The following OPHN1 variants were observed in gnomAD, a reference collection of about 807,000 sequenced individuals.
The protein encoded by OPHN1 is oligophrenin-1.
OPHN1 carries 11 observed loss-of-function variants against 60.7 expected under a neutral mutation model. The ratio of observed to expected loss-of-function variants is 0.18; its 90% CI spans 0.11 to 0.30. The LOEUF (loss-of-function observed/expected upper bound fraction) is 0.30. Ranked by LOEUF, OPHN1 falls within the 10% of genes least tolerant of loss-of-function variation. The probability of loss-of-function intolerance (pLI) is 1.00; values close to 1 mark genes in which losing one functional copy is unlikely to be tolerated. For missense variants in OPHN1, 449 were observed against 611.0 expected (o/e 0.73, Z 2.80); for synonymous variants, 226 against 222.6 (o/e 1.02, Z -0.14).
intron 19 of OPHN1, among the ~76,000 whole-genome samples, chrX:68,080,249 A>G (rs188883033): frequency 1.8e-5 from 2 of 111,871 alleles, no homozygotes; most frequent in East Asian, 5.6e-4. Flanking sequence ...TTCACCCTCC[A>G]CTATAGCCAT....
At chrX:68,347,862 C>T (rs1602344087) in intron 2 of OPHN1, among the ~76,000 whole-genome samples, 1 of 111,033 alleles carries the variant, frequency 9.0e-6, no homozygotes, top group Non-Finnish European at 1.9e-5. Context: ...TTTTGCAAAG[C>T]ACTTTGGTAA....
intron 15 of OPHN1, among the ~76,000 whole-genome samples, chrX:68,134,580 G>A (rs2077211405): frequency 9.0e-6 from 1 of 111,072 alleles, no homozygotes; most frequent in South Asian, 3.9e-4. Flanking sequence ...AGAGCTCCCT[G>A]GACACTGAAC....
At position 68,329,581 on chromosome X, in the gene OPHN1, T is replaced by G. The variant is rs149990618; in HGVS notation, c.155-30485A>C. ...AGAAAAGGTTATTACAAAGCCACCTTCTATCTTTTCTATAACTATGCAAAT... is the reference window on the plus strand; with the variant it reads ...AGAAAAGGTTATTACAAAGCCACCTGCTATCTTTTCTATAACTATGCAAAT... On this transcript the variant is annotated intron_variant, in intron 2 of 24. Coordinates refer to ENST00000355520, the MANE Select transcript of OPHN1 (RefSeq NM_002547.3). Among the ~76,000 whole-genome samples the G allele has an allele frequency of 3.2e-3, 356 of 112,228 alleles. 2 individuals are homozygous for G. Among genetic ancestry groups the G allele is most frequent in the African/African-American group, 0.011 (343 of 31,009 alleles).
At chrX:68,360,764 C>T (rs1342654436) in intron 2 of OPHN1, among the ~76,000 whole-genome samples, 1 of 110,840 alleles carries the variant, frequency 9.0e-6, no homozygotes, top group Non-Finnish European at 1.9e-5. Context: ...GCCTGGGTGA[C>T]AGAGCAAGAC....
Position 68,374,312 on chromosome X carries a change from C to T in OPHN1, c.154+58555G>A, listed in dbSNP as rs183461648. Among the ~76,000 whole-genome samples, 409 of 105,327 alleles carry T rather than the reference C, an allele frequency of 3.9e-3. 2 individuals are homozygous for T. Among genetic ancestry groups the T allele is most frequent in the Non-Finnish European group, 6.7e-3 (344 of 51,612 alleles). The allele number at this position is 105,327 out of a possible 115,157, so 91.5% of individuals were successfully genotyped here. ...CAGAGGTTGCAGTGAACCGAGATCA[C>T]GCCACTGCACTCCAGGCTGGCAACA... is the stretch of plus-strand genomic sequence containing the variant. On this transcript the variant is annotated intron_variant, in intron 2 of 24. Coordinates refer to ENST00000355520, the MANE Select transcript of OPHN1 (RefSeq NM_002547.3).
intron 15 of OPHN1, among the ~76,000 whole-genome samples, chrX:68,119,794 T>A (rs2077142816): frequency 9.0e-6 from 1 of 111,121 alleles, no homozygotes; most frequent in Admixed American, 9.5e-5. Context: ...TAGGGCCCAG[T>A]CCAAAAGGGG....
chrX:68,224,404 T>C (rs2077679312), intron 6 of OPHN1, among the ~76,000 whole-genome samples: 1 of 111,418 alleles, frequency 9.0e-6, no homozygotes, highest in Non-Finnish European at 1.9e-5. Context: ...ACACCTGTAA[T>C]CTCAGCAATT....
At chrX:68,171,270 T>C (rs1001273067) in intron 15 of OPHN1, among the ~76,000 whole-genome samples, 14 of 110,491 alleles carry the variant, frequency 1.3e-4, no homozygotes, top group African/African-American at 4.3e-4. Flanking sequence ...ACACAAAAAT[T>C]AATAATTTTA....
intron 6 of OPHN1, among the ~76,000 whole-genome samples, chrX:68,230,303 T>C (rs1177096843): frequency 1.1e-4 from 12 of 111,701 alleles, no homozygotes; most frequent in Non-Finnish European, 3.8e-5. Flanking sequence ...GGAACACTTT[T>C]ACACTGTTGG....
chrX:68,249,328 A>G (rs897119790), intron 5 of OPHN1, among the ~76,000 whole-genome samples: 1 of 112,296 alleles, frequency 8.9e-6, no homozygotes, highest in Non-Finnish European at 1.9e-5. Context: ...TAATGTAATG[A>G]AATGGATACT....
intron 2 of OPHN1, among the ~76,000 whole-genome samples, chrX:68,382,849 CAG>C (rs1271489229): frequency 9.0e-6 from 1 of 111,629 alleles, no homozygotes; most frequent in African/African-American, 3.3e-5. Flanking sequence ...TGAGTTGCAA[CAG>C]AGAGTAGAAC....
At chrX:68,274,649 G>A (rs1481410208) in intron 5 of OPHN1, 89 bp downstream of exon 5, 11 of 626,333 alleles carry the variant, frequency 1.8e-5, no homozygotes, top group Non-Finnish European at 2.9e-5. Context: ...CAGCAGATTG[G>A]TGCATATCTT....
chrX:68,122,084 G>A (rs747855613), intron 15 of OPHN1, among the ~76,000 whole-genome samples: 6 of 110,917 alleles, frequency 5.4e-5, no homozygotes, highest in Admixed American at 9.6e-5. Flanking sequence ...GACTCAACAC[G>A]TTCCCAGCTG....
chrX:68,047,763 T>C (rs972162377), intron 24 of OPHN1, among the ~76,000 whole-genome samples: 1 of 112,305 alleles, frequency 8.9e-6, no homozygotes, highest in Non-Finnish European at 1.9e-5. Flanking sequence ...GCAAGTCACT[T>C]ATCCCCTCTG....
chrX:68,216,622 C>A (rs1437478187), intron 6 of OPHN1, among the ~76,000 whole-genome samples: 1 of 110,476 alleles, frequency 9.1e-6, no homozygotes, highest in Non-Finnish European at 1.9e-5. Flanking sequence ...GCAACAGAAA[C>A]AAAAATAAAT....
intron 18 of OPHN1, among the ~76,000 whole-genome samples, chrX:68,100,193 T>C (rs1224994844): frequency 1.8e-5 from 2 of 110,760 alleles, no homozygotes; most frequent in Admixed American, 9.7e-5. Context: ...ACACTGTGTG[T>C]CCCCTGTTAG....
chrX:68,123,444 C>T (rs375578781), intron 15 of OPHN1, among the ~76,000 whole-genome samples: 1 of 111,259 alleles, frequency 9.0e-6, no homozygotes, highest in Non-Finnish European at 1.9e-5. Context: ...ATTATAACAC[C>T]GTAACTGTAA....
chrX:68,373,215 A>G (rs921673761), intron 2 of OPHN1, among the ~76,000 whole-genome samples: 5 of 112,685 alleles, frequency 4.4e-5, no homozygotes, highest in Non-Finnish European at 9.4e-5. Context: ...ACAGCAAAAC[A>G]TGGTCTTAGA....
At chrX:68,188,561 A>G (rs1213696438) in intron 15 of OPHN1, among the ~76,000 whole-genome samples, 1 of 112,233 alleles carries the variant, frequency 8.9e-6, no homozygotes, top group Non-Finnish European at 1.9e-5. Context: ...GTATCTTGAT[A>G]TGTATGGAAA....
Sources: gnomAD v4.1 joint callset for allele counts (sites outside exome capture counted in the v4.1 genomes callset) on GRCh38, gnomAD v4.1.1 for gene constraint, MANE v1.5 for transcripts, NCBI Gene and HGNC (gene_info 2026-07-23, HGNC 2026-07-21) for gene names.